Variants in SPAG16 observed in about 807,000 individuals in gnomAD.
The protein encoded by SPAG16 is sperm associated antigen 16.
SPAG16 carries 86 observed loss-of-function variants against 80.4 expected under a neutral mutation model. The observed-to-expected ratio is 1.07, with a 90% CI of 0.90 to 1.28. SPAG16 has a LOEUF of 1.28. Ranked by LOEUF, SPAG16 falls within the 50% of genes most tolerant of loss-of-function variation. SPAG16 has a pLI of 0.00. For missense variants in SPAG16, 870 were observed against 765.3 expected, an observed-to-expected ratio of 1.14 and a Z score of -1.61; for synonymous variants, 294 against 265.9, an observed-to-expected ratio of 1.11 and a Z score of -1.03.
At chr2:214,048,987 G>C (rs1248052261) in intron 13 of SPAG16, among the ~76,000 whole-genome samples, 1 of 151,582 alleles carries the variant, frequency 6.6e-6, no homozygotes, top group Admixed American at 6.6e-5. Context: ...CCAGGCTGGA[G>C]TGAAATTGTA....
At chr2:213,949,179 T>TTTTTG (rs1553677656) in intron 12 of SPAG16, among the ~76,000 whole-genome samples, 2 of 36,240 alleles carry the variant, frequency 5.5e-5, no homozygotes, top group Admixed American at 4.8e-4. Context: ...GTTTTTTTTT[T>TTTTTG]TTTTTTTTTT....
At chr2:213,900,325 T>G (rs973991041) in intron 11 of SPAG16, among the ~76,000 whole-genome samples, 33 of 152,064 alleles carry the variant, frequency 2.2e-4, no homozygotes, top group African/African-American at 7.0e-4. Context: ...AAAAGACAAA[T>G]GTGAGACAGA....
chr2:214,301,351 G>A (rs1391680454), intron 15 of SPAG16, among the ~76,000 whole-genome samples: 1 of 149,444 alleles, frequency 6.7e-6, no homozygotes, highest in Non-Finnish European at 1.5e-5. Context: ...CAAACCCACA[G>A]CCAACATCAT....
intron 15 of SPAG16, among the ~76,000 whole-genome samples, chr2:214,159,737 C>T (rs183702361): frequency 1.6e-4 from 24 of 151,972 alleles, no homozygotes; most frequent in African/African-American, 4.8e-4. Context: ...ACATCTCCTA[C>T]CATGCACTCT....
chr2:213,949,568 A>T (rs1231686515), intron 12 of SPAG16, among the ~76,000 whole-genome samples: 1 of 152,186 alleles, frequency 6.6e-6, no homozygotes, highest in Non-Finnish European at 1.5e-5. Flanking sequence ...CTTCACCTTC[A>T]AATGTACATT....
At chr2:214,234,771 G>C (rs984877897) in intron 15 of SPAG16, among the ~76,000 whole-genome samples, 3 of 151,886 alleles carry the variant, frequency 2.0e-5, no homozygotes, top group African/African-American at 7.3e-5. Context: ...CTTTTGTTGA[G>C]CAAAACACTG....
chr2:214,374,967 AG>A (rs2126095440), intron 15 of SPAG16, among the ~76,000 whole-genome samples: 1 of 152,280 alleles, frequency 6.6e-6, no homozygotes, highest in African/African-American at 2.4e-5. Context: ...AGTATCTTGT[AG>A]AAAGATCACC....
intron 10 of SPAG16, among the ~76,000 whole-genome samples, chr2:213,644,398 A>T (rs1184650321): frequency 1.3e-5 from 2 of 151,992 alleles, no homozygotes; most frequent in African/African-American, 4.8e-5. Context: ...GATAGTGTTG[A>T]TGCTAGTAGA....
chr2:213,535,305 G>A (rs1483241547), intron 10 of SPAG16, among the ~76,000 whole-genome samples: 1 of 151,916 alleles, frequency 6.6e-6, no homozygotes, highest in Non-Finnish European at 1.5e-5. Flanking sequence ...TAGCATACAA[G>A]TATATTAAAA....
intron 9 of SPAG16, among the ~76,000 whole-genome samples, chr2:213,412,841 G>A (rs2069055597): frequency 6.6e-6 from 1 of 152,070 alleles, no homozygotes; most frequent in Non-Finnish European, 1.5e-5. Context: ...GCAAATAATA[G>A]TGTCATAAAG....
chr2:213,984,714 T>C (rs533533199), intron 12 of SPAG16, among the ~76,000 whole-genome samples: 3 of 152,202 alleles, frequency 2.0e-5, no homozygotes, highest in South Asian at 4.1e-4. Context: ...ATCCTTACCA[T>C]GATCCTAAGG....
At chr2:213,699,963 A>C (rs1235503216) in intron 10 of SPAG16, among the ~76,000 whole-genome samples, 1 of 152,254 alleles carries the variant, frequency 6.6e-6, no homozygotes, top group East Asian at 1.9e-4. Flanking sequence ...GTGGCATTCC[A>C]GATGATTACA....
At chr2:213,329,987 G>C (rs890100779) in intron 5 of SPAG16, among the ~76,000 whole-genome samples, 1 of 152,238 alleles carries the variant, frequency 6.6e-6, no homozygotes, top group African/African-American at 2.4e-5. Flanking sequence ...ATGTGATGTT[G>C]AGCCTGCAGG....
intron 10 of SPAG16, among the ~76,000 whole-genome samples, chr2:213,821,896 G>C (rs1215397105): frequency 6.6e-6 from 1 of 152,108 alleles, no homozygotes; most frequent in Non-Finnish European, 1.5e-5. Flanking sequence ...TTTTTTTGTA[G>C]CTAAATAGTA....
chr2:214,392,698 GA>G (rs34299318), intron 15 of SPAG16, among the ~76,000 whole-genome samples: 222 of 144,746 alleles, frequency 1.5e-3, no homozygotes, highest in African/African-American at 4.9e-3. Flanking sequence ...ACCTACAAAG[GA>G]AAAAAAAAAA....
chr2:213,335,108 A>G (rs1185347990), intron 5 of SPAG16, among the ~76,000 whole-genome samples: 1 of 152,198 alleles, frequency 6.6e-6, no homozygotes, highest in African/African-American at 2.4e-5. Context: ...ATAATTAAAA[A>G]TTATATTTTC....
chr2:214,193,429 G>GTGTGTGTGT (rs1559119411), intron 15 of SPAG16, among the ~76,000 whole-genome samples: 63 of 67,916 alleles, frequency 9.3e-4, no homozygotes, highest in Non-Finnish European at 4.8e-4. Context: ...GTGTGTATGA[G>GTGTGTGTGT]AGAGAGAGAG....
chr2:213,729,158 A>T (rs1226683795), intron 10 of SPAG16, among the ~76,000 whole-genome samples: 2 of 152,170 alleles, frequency 1.3e-5, no homozygotes, highest in African/African-American at 4.8e-5. Context: ...GTAAAAATAT[A>T]AAATATGCGG....
At chr2:214,299,283 C>A (rs1694377179) in intron 15 of SPAG16, among the ~76,000 whole-genome samples, 1 of 109,066 alleles carries the variant, frequency 9.2e-6, no homozygotes, top group African/African-American at 3.6e-5. Flanking sequence ...CGGGGTCTTG[C>A]TGTGTCACCC....
Sources: gnomAD v4.1 joint callset for allele counts (sites outside exome capture counted in the v4.1 genomes callset) on GRCh38, gnomAD v4.1.1 for gene constraint, MANE v1.5 for transcripts, NCBI Gene and HGNC (gene_info 2026-07-23, HGNC 2026-07-21) for gene names.